LARGE1: variants seen among roughly 807,000 people sequenced by gnomAD.
LARGE1 encodes LARGE xylosyl- and glucuronyltransferase 1.
Under a neutral mutation model 87.6 loss-of-function variants are expected in LARGE1, and 43 were observed. The ratio of observed to expected loss-of-function variants is 0.49; its 90% CI spans 0.38 to 0.63. The LOEUF (loss-of-function observed/expected upper bound fraction) is 0.63, where lower values mean the gene tolerates loss of function less well. LARGE1 is among the 30% of genes least tolerant of loss of function. LARGE1 has a pLI of 0.00. For missense variants in LARGE1, 802 were observed against 1,000.2 expected (o/e 0.80, Z 2.67); for synonymous variants, 434 against 394.6 (o/e 1.10, Z -1.18).
chr22:33,383,327 A>G (rs1315208760), intron 8 of LARGE1, among the ~76,000 whole-genome samples: 1 of 152,180 alleles, frequency 6.6e-6, no homozygotes, highest in Non-Finnish European at 1.5e-5. Context: ...TGGGAGGCTG[A>G]GGCAGGCGGA....
intron 1 of LARGE1, among the ~76,000 whole-genome samples, chr22:33,893,210 T>C (rs1247483437): frequency 6.6e-6 from 1 of 152,182 alleles, no homozygotes; most frequent in Non-Finnish European, 1.5e-5. Flanking sequence ...TACATTTTAA[T>C]TGAGAAAGAA....
intron 10 of LARGE1, among the ~76,000 whole-genome samples, chr22:33,320,331 C>T (rs1369920505): frequency 6.6e-6 from 1 of 152,164 alleles, no homozygotes; most frequent in Admixed American, 6.5e-5. Context: ...ACTCCACTCT[C>T]CTCCACCTAA....
At chr22:33,241,783 C>G (rs1926535460) in intron 11 of LARGE1, among the ~76,000 whole-genome samples, 1 of 152,022 alleles carries the variant, frequency 6.6e-6, no homozygotes, top group Admixed American at 6.6e-5. Context: ...CATGTTCTCA[C>G]TCACAAAATC....
intron 4 of LARGE1, among the ~76,000 whole-genome samples, chr22:33,612,289 A>C (rs1396448522): frequency 6.6e-6 from 1 of 152,134 alleles, no homozygotes; most frequent in Admixed American, 6.5e-5. Flanking sequence ...TTTTTAGTAG[A>C]GATGGGGTTT....
intron 6 of LARGE1, among the ~76,000 whole-genome samples, chr22:33,443,487 C>T (rs551747908): frequency 1.3e-5 from 2 of 152,160 alleles, no homozygotes; most frequent in Non-Finnish European, 1.5e-5. Flanking sequence ...CCCTCTGGTG[C>T]CCACTGGGAT....
At chr22:33,666,651 C>CAG (rs2081275084) in intron 2 of LARGE1, among the ~76,000 whole-genome samples, 1 of 152,164 alleles carries the variant, frequency 6.6e-6, no homozygotes, top group Non-Finnish European at 1.5e-5. Context: ...AAGTGACACA[C>CAG]AGGAGGAATC....
chr22:33,917,321 C>A (rs1159256465), intron 1 of LARGE1, among the ~76,000 whole-genome samples: 3 of 152,188 alleles, frequency 2.0e-5, no homozygotes, highest in African/African-American at 7.2e-5. Context: ...TAAACCTAGG[C>A]AATGGGGCAG....
In LARGE1 at chr22:33,565,001, G is replaced by T. The variant is rs2077980236; in HGVS notation, c.634C>A (p.Pro212Thr). The T allele has an allele frequency of 6.2e-7, 1 of 1,614,094 alleles. No individual in the cohort carries two copies. The highest frequency in any genetic ancestry group is 8.5e-7 in the Non-Finnish European group (1 of 1,179,994). ...DELKSEVSWIPNKHYSGIYGL... is the reference protein window; with the variant it reads ...DELKSEVSWITNKHYSGIYGL... ...TAAATCCCAGAGTAATGTTTATTGG[G>T]GATCCAGGAAACTTCAGACTAGACA... The change falls in exon 6 of 15, where the codon CCC becomes ACC. Residue 212 changes from proline to threonine, a missense_variant. By Grantham distance (38) the Pro-to-Thr change is conservative (BLOSUM62 -1). Around this residue, in one of 2 missense-constraint regions of LARGE1, gnomAD observed 625 missense variants for 841.9 expected, o/e 0.74. Transcript: ENST00000397394.
At chr22:33,235,701 G>A (rs545616845) in intron 11 of LARGE1, among the ~76,000 whole-genome samples, 3 of 152,250 alleles carry the variant, frequency 2.0e-5, no homozygotes, top group Admixed American at 1.3e-4. Flanking sequence ...GGTTCCAAGA[G>A]GAGATGTCCA....
chr22:33,471,781 T>A (rs1432425012), intron 6 of LARGE1, among the ~76,000 whole-genome samples: 3 of 152,210 alleles, frequency 2.0e-5, no homozygotes, highest in South Asian at 4.1e-4. Context: ...ACCCCTGTAA[T>A]CCCAGCACTT....
At chr22:33,651,848 C>T (rs2080827810) in intron 2 of LARGE1, among the ~76,000 whole-genome samples, 1 of 152,214 alleles carries the variant, frequency 6.6e-6, no homozygotes, top group African/African-American at 2.4e-5. Context: ...GCCAGCAACA[C>T]TCCATGTAAC....
chr22:33,902,503 C>T (rs901297940), intron 1 of LARGE1, among the ~76,000 whole-genome samples: 3 of 152,196 alleles, frequency 2.0e-5, no homozygotes, highest in African/African-American at 4.8e-5. Flanking sequence ...TTCTCACTAT[C>T]CAACCCCAAG....
At chr22:33,771,068 G>A (rs890150824) in intron 1 of LARGE1, among the ~76,000 whole-genome samples, 5 of 151,646 alleles carry the variant, frequency 3.3e-5, no homozygotes, top group Admixed American at 3.3e-4. Flanking sequence ...CCACAATCCC[G>A]TTGCCAGCCC....
At chr22:33,734,362 C>T (rs188840871) in intron 2 of LARGE1, among the ~76,000 whole-genome samples, 115 of 152,150 alleles carry the variant, frequency 7.6e-4, no homozygotes, top group Non-Finnish European at 1.2e-3. Flanking sequence ...CCTACAAGGA[C>T]GGCAGAAGAG....
intron 6 of LARGE1, among the ~76,000 whole-genome samples, chr22:33,469,695 G>C (rs1207868837): frequency 6.6e-6 from 1 of 151,652 alleles, no homozygotes; most frequent in Non-Finnish European, 1.5e-5. Context: ...AGGCATGGGG[G>C]CATGCACCTG....
intron 6 of LARGE1, among the ~76,000 whole-genome samples, chr22:33,496,261 A>G (rs2070112985): frequency 6.6e-6 from 1 of 152,126 alleles, no homozygotes; most frequent in African/African-American, 2.4e-5. Context: ...TGTCTTTCCT[A>G]GTCCACTGAC....
At chr22:33,526,814 C>T (rs1036843871) in intron 6 of LARGE1, among the ~76,000 whole-genome samples, 1 of 152,184 alleles carries the variant, frequency 6.6e-6, no homozygotes, top group African/African-American at 2.4e-5. Context: ...AATTAATCCA[C>T]CATTTGATTA....
chr22:33,539,591 CTT>C (rs201930031), intron 6 of LARGE1, among the ~76,000 whole-genome samples: 108 of 142,508 alleles, frequency 7.6e-4, no homozygotes, highest in African/African-American at 1.8e-3. Context: ...ATCCTCCAAA[CTT>C]TTTTTTTTTT....
the LARGE1 span, among the ~76,000 whole-genome samples, chr22:33,086,373 C>T: frequency 6.6e-6 from 1 of 151,968 alleles, no homozygotes; most frequent in South Asian, 2.1e-4. Context: ...AATTTGCAAG[C>T]ATTTTGAGAC....
Sources: allele counts gnomAD v4.1 joint callset (sites outside exome capture counted in the v4.1 genomes callset), GRCh38; gene constraint gnomAD v4.1.1; regional missense constraint gnomAD v4.1.1; transcripts MANE v1.5; gene names NCBI Gene and HGNC (gene_info 2026-07-23, HGNC 2026-07-21).